Variants in DYNC2H1 observed in about 807,000 individuals in gnomAD.
DYNC2H1 encodes the protein dynein cytoplasmic 2 heavy chain 1.
DYNC2H1 carries 410 observed loss-of-function variants against 570.0 expected under a neutral mutation model. That is an observed-to-expected ratio of 0.72 (90% CI 0.66 to 0.78). The LOEUF (loss-of-function observed/expected upper bound fraction) is 0.78, where lower values mean the gene tolerates loss of function less well. DYNC2H1 is among the 30% of genes least tolerant of loss of function. DYNC2H1 has a pLI of 0.00. For missense variants in DYNC2H1, 4,865 were observed against 5,046.4 expected (o/e 0.96, Z 1.09); for synonymous variants, 1,688 against 1,677.6 (o/e 1.01, Z -0.15).
At chr11:103,242,385 T>C (rs1223081618) in intron 63 of DYNC2H1, among the ~76,000 whole-genome samples, 1 of 152,178 alleles carries the variant, frequency 6.6e-6, no homozygotes, top group Non-Finnish European at 1.5e-5. Context: ...TATCTTATTA[T>C]ACTGTACTCA....
chr11:103,281,739 G>A (rs1866145096), intron 71 of DYNC2H1, among the ~76,000 whole-genome samples: 2 of 151,034 alleles, frequency 1.3e-5, no homozygotes, highest in South Asian at 4.2e-4. Flanking sequence ...AAGATTAATG[G>A]CATCTTCTCC....
chr11:103,365,126 C>T (rs1210113151), intron 83 of DYNC2H1, among the ~76,000 whole-genome samples: 2 of 151,914 alleles, frequency 1.3e-5, no homozygotes, highest in Admixed American at 1.3e-4. Context: ...TTTGGGAGGC[C>T]GAGGCGGGTG....
chr11:103,287,286 A>T (rs1377087192), intron 74 of DYNC2H1, among the ~76,000 whole-genome samples: 1 of 152,178 alleles, frequency 6.6e-6, no homozygotes, highest in Non-Finnish European at 1.5e-5. Flanking sequence ...TAGATCCAGA[A>T]GATGTTTCTA....
Position 103,354,528 on chromosome 11 carries a change from A to G in DYNC2H1, c.12040-3715A>G, listed in dbSNP as rs145627089. Among the ~76,000 whole-genome samples, 582 of 151,826 alleles carry G rather than the reference A, an allele frequency of 3.8e-3. 4 individuals are homozygous for G. The highest frequency in any genetic ancestry group is 0.013 in the African/African-American group (557 of 41,422). On this transcript the variant is annotated intron_variant, in intron 82 of 88. Coordinates refer to ENST00000375735, the MANE Select transcript of DYNC2H1 (RefSeq NM_001377.3). ...CAATAGATTTATAAATTTCTTAAAC[A>G]TTTTCTTTGCTTACCATTCCTTTTT...
At chr11:103,415,894 C>A (rs1943262909) in intron 84 of DYNC2H1, among the ~76,000 whole-genome samples, 1 of 152,196 alleles carries the variant, frequency 6.6e-6, no homozygotes, top group Non-Finnish European at 1.5e-5. Flanking sequence ...AGACTTGGAA[C>A]AAACCCAAAT....
At chr11:103,141,973 G>A (rs539628489) in intron 17 of DYNC2H1, among the ~76,000 whole-genome samples, 1 of 152,338 alleles carries the variant, frequency 6.6e-6, no homozygotes, top group South Asian at 2.1e-4. Context: ...TGCTGTGCTA[G>A]CAGTCAGCGA....
rs761013012 is a variant in DYNC2H1, at chr11:103,321,210, A to T, written c.11907A>T (p.Val3969=). 3.1e-6 allele frequency: 5 copies of T among 1,609,830 alleles called. No individual in the cohort carries two copies. The highest frequency in any genetic ancestry group is 4.2e-6 in the Non-Finnish European group (5 of 1,177,636). ...RNKKSIFPYS[V]SLPQSCSILD... is the part of the protein sequence containing the mutation. ...AGAAAAGCATTTTTCCATATTCCGT[A>T]TCTCTACCACAATCCTGCAGCATTT... The change falls in exon 81 of 89, where the codon GTA becomes GTT. Residue 3969 remains valine (V), a synonymous_variant. Coordinates refer to ENST00000375735, the MANE Select transcript of DYNC2H1 (RefSeq NM_001377.3).
intron 75 of DYNC2H1, among the ~76,000 whole-genome samples, chr11:103,295,528 G>C (rs4145704): frequency 0.17 from 25,120 of 152,082 alleles, 2,259 homozygotes; most frequent in Admixed American, 0.25. Flanking sequence ...TTTATAGATT[G>C]CTGTTCTCTG....
intron 81 of DYNC2H1, among the ~76,000 whole-genome samples, chr11:103,323,202 G>A (rs1330014142): frequency 1.3e-5 from 2 of 152,144 alleles, no homozygotes; most frequent in Non-Finnish European, 2.9e-5. Context: ...AACTGAATAA[G>A]TGTTTTTGCC....
At chr11:103,169,899 A>G (rs907310420) in intron 32 of DYNC2H1, among the ~76,000 whole-genome samples, 4 of 152,224 alleles carry the variant, frequency 2.6e-5, no homozygotes, top group African/African-American at 9.6e-5. Flanking sequence ...TGAGTATAGT[A>G]TGAAATACTT....
At chr11:103,192,902 A>G (rs1289279098) in intron 47 of DYNC2H1, among the ~76,000 whole-genome samples, 2 of 152,230 alleles carry the variant, frequency 1.3e-5, no homozygotes, top group African/African-American at 4.8e-5. Context: ...GTCAGGCCAC[A>G]AAAGGTGCTT....
At chr11:103,366,957 G>A (rs776960671) in intron 83 of DYNC2H1, among the ~76,000 whole-genome samples, 4 of 152,070 alleles carry the variant, frequency 2.6e-5, no homozygotes, top group African/African-American at 9.7e-5. Context: ...TAACAGAGAA[G>A]CTTATCCTAA....
In DYNC2H1 at chr11:103,363,519, G is replaced by T. The variant is rs1351402346; in HGVS notation, c.12156+5160G>T. 6.6e-6 allele frequency among the ~76,000 whole-genome samples: 1 copy of T among 152,128 alleles called. No individual in the cohort carries two copies. Among genetic ancestry groups the T allele is most frequent in the Non-Finnish European group, 1.5e-5 (1 of 68,024 alleles). On this transcript the variant is annotated intron_variant, in intron 83 of 88. Coordinates refer to ENST00000375735, the MANE Select transcript of DYNC2H1 (RefSeq NM_001377.3). This position sits in a 1 kb window ranked among gnomAD's most constrained non-coding sequence, Gnocchi z 5.6. ...TCTTATTCTAAAAAAAATGTTTTCC[G>T]AGTTTGTTCTTTCCCAAACTTGAGC...
intron 77 of DYNC2H1, among the ~76,000 whole-genome samples, chr11:103,306,939 A>G: frequency 6.6e-6 from 1 of 152,196 alleles, no homozygotes; most frequent in East Asian, 1.9e-4. Context: ...ATATTGTGGG[A>G]TGAAGAATAC....
Position 103,284,705 on chromosome 11 carries a change from G to C in DYNC2H1, c.10891-1550G>C, listed in dbSNP as rs996703001. On this transcript the variant is annotated intron_variant, in intron 73 of 88. Transcript: ENST00000375735. ...TAATTTAAGTTACATAATGAAATTT[G>C]GGCAATATAATGGATTATTTTTATA... is the stretch of plus-strand genomic sequence containing the variant. Among the ~76,000 whole-genome samples, 8 of 152,134 alleles carry C rather than the reference G, an allele frequency of 5.3e-5. No homozygotes were observed. The East Asian group carries it at 1.5e-3, about 29-fold the overall frequency.
At chr11:103,317,902 TTTTG>T (rs1251404911) in intron 80 of DYNC2H1, among the ~76,000 whole-genome samples, 3 of 152,176 alleles carry the variant, frequency 2.0e-5, no homozygotes, top group African/African-American at 7.2e-5. Context: ...TATTTTCTTA[TTTTG>T]TTTCTCTTCC....
chr11:103,227,378 T>C (rs1037404423), intron 59 of DYNC2H1, among the ~76,000 whole-genome samples: 4 of 152,196 alleles, frequency 2.6e-5, no homozygotes, highest in East Asian at 1.9e-4. Flanking sequence ...TGATAGGTTG[T>C]ATTACTATTA....
chr11:103,312,146 C>A, intron 79 of DYNC2H1, 113 bp downstream of exon 79: 2 of 1,133,372 alleles, frequency 1.8e-6, no homozygotes, highest in Non-Finnish European at 2.4e-6. Flanking sequence ...TGTGGGAGGC[C>A]AAGGTGGGCG....
intron 84 of DYNC2H1, among the ~76,000 whole-genome samples, chr11:103,430,028 C>T (rs375886284): frequency 2.6e-5 from 4 of 152,146 alleles, no homozygotes; most frequent in African/African-American, 7.2e-5. Context: ...CTTCAATAGT[C>T]TGCAGATAAT....
Sources: allele counts gnomAD v4.1 joint callset (sites outside exome capture counted in the v4.1 genomes callset), GRCh38; gene constraint gnomAD v4.1.1; non-coding constraint Gnocchi (gnomAD v3.1); transcripts MANE v1.5; gene names NCBI Gene and HGNC (gene_info 2026-07-23, HGNC 2026-07-21).